Variants in CACNB2 observed in about 807,000 individuals in gnomAD.
CACNB2 encodes calcium voltage-gated channel auxiliary subunit beta 2, also known as voltage-dependent L-type calcium channel subunit beta-2.
A neutral mutation model predicts 73.3 loss-of-function variants in CACNB2; 42 were observed. The observed-to-expected ratio is 0.57, with a 90% CI of 0.45 to 0.74. The LOEUF (loss-of-function observed/expected upper bound fraction) is 0.74. Ranked by LOEUF, CACNB2 falls within the 30% of genes least tolerant of loss-of-function variation. The pLI, the probability that CACNB2 is intolerant of heterozygous loss-of-function variation, is 0.00. For missense variants in CACNB2, 940 were observed against 853.0 expected (o/e 1.10, Z -1.27); for synonymous variants, 348 against 310.3 (o/e 1.12, Z -1.28).
intron 3 of CACNB2, among the ~76,000 whole-genome samples, chr10:18,407,201 C>G (rs1771343497): frequency 7.3e-6 from 1 of 137,248 alleles, no homozygotes. Flanking sequence ...CAGCTCAGTG[C>G]AACTCCACCT....
chr10:18,536,254 T>TTC, intron 12 of CACNB2, 58 bp downstream of exon 12: 1 of 632,282 alleles, frequency 1.6e-6, no homozygotes, highest in South Asian at 1.8e-5. Context: ...TTTTTTTTTT[T>TTC]TTTTTTTTTT....
intron 2 of CACNB2, among the ~76,000 whole-genome samples, chr10:18,204,374 A>T (rs1200265497): frequency 6.6e-6 from 1 of 152,214 alleles, no homozygotes; most frequent in African/African-American, 2.4e-5. Flanking sequence ...ACCCGTTACT[A>T]AGTAGAATAG....
intron 3 of CACNB2, among the ~76,000 whole-genome samples, chr10:18,434,244 C>G (rs995242009): frequency 6.6e-6 from 1 of 152,110 alleles, no homozygotes; most frequent in African/African-American, 2.4e-5. Context: ...ATATATAAAT[C>G]ATGACCTCTA....
chr10:18,491,786 G>A (rs12249308), intron 3 of CACNB2, among the ~76,000 whole-genome samples: 4,782 of 123,946 alleles, frequency 0.039, 267 homozygotes, highest in African/African-American at 0.13. Flanking sequence ...CAATGATTCC[G>A]TAAGGGATAT....
chr10:18,164,625 G>A (rs1210968460), intron 2 of CACNB2, among the ~76,000 whole-genome samples: 3 of 151,684 alleles, frequency 2.0e-5, no homozygotes, highest in Non-Finnish European at 4.4e-5. Context: ...CTGAAGCTGT[G>A]ATCTATAAGG....
At chr10:18,371,637 A>T (rs562813756) in intron 2 of CACNB2, among the ~76,000 whole-genome samples, 1 of 151,790 alleles carries the variant, frequency 6.6e-6, no homozygotes, top group Admixed American at 6.6e-5. Flanking sequence ...AGTCTTTGCT[A>T]TTGTGAATAG....
intron 3 of CACNB2, among the ~76,000 whole-genome samples, chr10:18,462,152 C>T (rs1462754872): frequency 8.5e-5 from 13 of 152,116 alleles, no homozygotes; most frequent in Admixed American, 8.5e-4. Context: ...GTAAAATGTC[C>T]AAGGATCCTG....
At chr10:18,467,061 G>A (rs1330423434) in intron 3 of CACNB2, among the ~76,000 whole-genome samples, 1 of 152,122 alleles carries the variant, frequency 6.6e-6, no homozygotes, top group East Asian at 1.9e-4. Context: ...GGCTGAGGCA[G>A]GAGAATTGCT....
chr10:18,254,765 A>G (rs761481320), intron 2 of CACNB2, among the ~76,000 whole-genome samples: 9 of 152,258 alleles, frequency 5.9e-5, no homozygotes, highest in Non-Finnish European at 1.2e-4. Flanking sequence ...GACTGGACCA[A>G]GAAATAGAAG....
intron 2 of CACNB2, among the ~76,000 whole-genome samples, chr10:18,397,637 G>T (rs1396554037): frequency 2.0e-5 from 3 of 149,120 alleles, no homozygotes; most frequent in African/African-American, 7.5e-5. Context: ...ATTGCTTGGA[G>T]CCAGGAGATG....
chr10:18,415,629 C>G (rs1257713971), intron 3 of CACNB2, among the ~76,000 whole-genome samples: 1 of 152,122 alleles, frequency 6.6e-6, no homozygotes, highest in Non-Finnish European at 1.5e-5. Flanking sequence ...GAGGCAGAGC[C>G]TACGTTAACC....
At chr10:18,519,226 T>G (rs1300772521) in intron 9 of CACNB2, among the ~76,000 whole-genome samples, 1 of 152,202 alleles carries the variant, frequency 6.6e-6, no homozygotes, top group African/African-American at 2.4e-5. Flanking sequence ...AGTCTCACCC[T>G]CAATTCATGG....
At chr10:18,349,972 G>A (rs773367323) in intron 2 of CACNB2, among the ~76,000 whole-genome samples, 2 of 152,098 alleles carry the variant, frequency 1.3e-5, no homozygotes, top group Non-Finnish European at 2.9e-5. Flanking sequence ...AGCTGGGTGC[G>A]GTGGCTCATG....
chr10:18,177,928 C>T (rs1057479598), intron 2 of CACNB2, among the ~76,000 whole-genome samples: 1 of 152,166 alleles, frequency 6.6e-6, no homozygotes, highest in African/African-American at 2.4e-5. Flanking sequence ...TTCTATTTTC[C>T]TTTCACAGTA....
chr10:18,419,712 G>C (rs1263727628), intron 3 of CACNB2, among the ~76,000 whole-genome samples: 1 of 152,210 alleles, frequency 6.6e-6, no homozygotes, highest in Non-Finnish European at 1.5e-5. Context: ...AGCAACTGCT[G>C]TATTACAGAG....
intron 2 of CACNB2, chr10:18,401,214 G>T: frequency 1.6e-6 from 2 of 1,255,582 alleles, no homozygotes; most frequent in Non-Finnish European, 2.3e-6. Context: ...GATCATGATT[G>T]CAGGAGAGGG....
chr10:18,536,215 C>CAGCATAAT lies in CACNB2; in HGVS notation c.1302+20_1302+27dup. 1 of 797,164 alleles carries CAGCATAAT rather than the reference C, an allele frequency of 1.3e-6. No homozygotes were observed. The highest frequency in any genetic ancestry group is 3.4e-5 in the East Asian group (1 of 29,036). 49.4% of individuals were successfully genotyped at this position (797,164 alleles called of 1,614,324 possible). A position where few individuals can be genotyped will look rare whatever the true frequency, so the allele number is the denominator to read the frequency against. The stretch of plus-strand genomic sequence containing the variant: ...TCCTCCAGTAAGTTATCTCTATATA[C>CAGCATAAT]AGCATAATCCAGTTACAGAGATCAG... On this transcript the variant is annotated intron_variant, in intron 12 of 13. Transcript: ENST00000324631.
intron 3 of CACNB2, among the ~76,000 whole-genome samples, chr10:18,445,851 T>C (rs931453040): frequency 6.6e-6 from 1 of 152,218 alleles, no homozygotes; most frequent in East Asian, 1.9e-4. Context: ...CTGGTCAACA[T>C]GGTGAAACCC....
intron 2 of CACNB2, among the ~76,000 whole-genome samples, chr10:18,239,857 T>A (rs111420643): frequency 6.6e-6 from 1 of 152,220 alleles, no homozygotes; most frequent in East Asian, 1.9e-4. Context: ...ATGCTTTTAT[T>A]TGTTTCAAAT....
Sources: allele counts gnomAD v4.1 joint callset (sites outside exome capture counted in the v4.1 genomes callset), GRCh38; gene constraint gnomAD v4.1.1; transcripts MANE v1.5; gene names NCBI Gene and HGNC (gene_info 2026-07-23, HGNC 2026-07-21).